SIM1: variants seen among roughly 807,000 people sequenced by gnomAD.
SIM1 encodes the protein single-minded homolog 1.
SIM1 carries 18 observed loss-of-function variants against 78.2 expected under a neutral mutation model. The observed-to-expected ratio is 0.23, with a 90% confidence interval of 0.16 to 0.34. The LOEUF (loss-of-function observed/expected upper bound fraction) is 0.34. SIM1 is among the 10% of genes least tolerant of loss of function. The pLI, the probability that SIM1 is intolerant of heterozygous loss-of-function variation, is 1.00. For synonymous variants in SIM1, 417 were observed against 385.2 expected, an observed-to-expected ratio of 1.08 and a Z score of -0.97; for missense variants, 939 against 975.1, an observed-to-expected ratio of 0.96 and a Z score of 0.49.
At position 100,388,365 on chromosome 6, in the gene SIM1, C is replaced by A. The variant is rs932740472; in HGVS notation, c.*1996G>T. On this transcript the variant is annotated 3_prime_UTR_variant, in exon 12 of 12. Transcript: ENST00000369208. Reference sequence around the variant, plus strand: ...TATCTGCATTTGATTGGAAAAAAAACCACACATAAGTGAATCTGCACAGTT... The same window carrying A: ...TATCTGCATTTGATTGGAAAAAAAAACACACATAAGTGAATCTGCACAGTT... 1 of 151,478 alleles carries A rather than the reference C, an allele frequency of 6.6e-6. No homozygotes were observed. Among genetic ancestry groups the A allele is most frequent in the Non-Finnish European group, 1.5e-5 (1 of 67,790 alleles). The allele number at this position is 151,478 out of a possible 1,614,324, so 9.4% of individuals were successfully genotyped here.
intron 2 of SIM1, among the ~76,000 whole-genome samples, chr6:100,455,923 A>G (rs1036663031): frequency 4.6e-5 from 7 of 152,112 alleles, no homozygotes; most frequent in Admixed American, 3.9e-4. Context: ...AGCCTAGGCC[A>G]TTTGTTGTTT....
intron 9 of SIM1, among the ~76,000 whole-genome samples, chr6:100,444,072 T>A (rs1170780360): frequency 6.6e-6 from 1 of 151,888 alleles, no homozygotes; most frequent in Non-Finnish European, 1.5e-5. Context: ...ACTCTTAATT[T>A]TCTTAGAAAT....
At chr6:100,420,482 A>G (rs193284021) in intron 10 of SIM1, among the ~76,000 whole-genome samples, 2 of 152,206 alleles carry the variant, frequency 1.3e-5, no homozygotes, top group African/African-American at 4.8e-5. Context: ...TGGCTACATC[A>G]TGGTCACTCA....
At position 100,390,422 on chromosome 6, in the gene SIM1, A is replaced by C; in HGVS notation, c.2240T>G (p.Met747Arg). Residue 747 changes from methionine to arginine, a missense_variant, in exon 12 of 12, where the codon ATG (methionine) becomes AGG (arginine). Around this residue, in one of 5 missense-constraint regions of SIM1, gnomAD observed 556 missense variants for 521.9 expected, o/e 1.07. Transcript: ENST00000369208. The stretch of plus-strand genomic sequence containing the variant: ...GTGTCCTTGTGCTGGGTCTGGTTGC[A>C]TCCTCAGATGGGAAGTTACATCAAA... The part of the protein sequence containing the change: ...SHFDVTSHLR[M>R]QPDPAQGHKG... 6.2e-7 allele frequency: 1 copy of C among 1,614,192 alleles called. No homozygotes were observed. The highest frequency in any genetic ancestry group is 1.1e-5 in the South Asian group (1 of 91,088).
intron 10 of SIM1, chr6:100,396,198 G>A (rs964291123): frequency 9.0e-6 from 3 of 332,992 alleles, no homozygotes; most frequent in African/African-American, 4.5e-5. Flanking sequence ...CTATACATGT[G>A]TTCCTTGAGA....
chr6:100,457,450 G>A (rs1772695926), intron 2 of SIM1, among the ~76,000 whole-genome samples: 1 of 152,154 alleles, frequency 6.6e-6, no homozygotes, highest in Non-Finnish European at 1.5e-5. Flanking sequence ...AACCAACTGT[G>A]TATCCCTTGA....
chr6:100,407,047 A>G (rs1582614805), intron 10 of SIM1, among the ~76,000 whole-genome samples: 1 of 152,128 alleles, frequency 6.6e-6, no homozygotes, highest in African/African-American at 2.4e-5. Context: ...TAGATTCTAC[A>G]TATAAGTGAA....
intron 10 of SIM1, among the ~76,000 whole-genome samples, chr6:100,418,956 C>T (rs1582287385): frequency 6.6e-6 from 1 of 152,078 alleles, no homozygotes; most frequent in Non-Finnish European, 1.5e-5. Context: ...TGCCTAAGGT[C>T]GGGAGTTCAA....
chr6:100,463,346 G>A lies in SIM1; in HGVS notation c.123C>T (p.Ser41=). ...SAITSQLDKA[S]IIRLTTSYLK... ...GATAGCTGGTCGTGAGTCTGATTAT[G>A]GATGCTTTGTCCAGCTGCGAGGTGA... Residue 41 remains serine (S), a synonymous_variant, in exon 2 of 12, where the codon TCC becomes TCT. Transcript: ENST00000369208. 1.2e-6 allele frequency: 2 copies of A among 1,614,040 alleles called. No individual in the cohort carries two copies. Among genetic ancestry groups the A allele is most frequent in the Non-Finnish European group, 1.7e-6 (2 of 1,179,930 alleles).
In SIM1 at chr6:100,390,951, T is replaced by A. The variant is rs28470615; in HGVS notation, c.1711A>T (p.Thr571Ser). ...PSKIETLIRA[T>S]QQMIKEEENR... The stretch of plus-strand genomic sequence containing the variant: ...TCTTCTTCTTTAATCATTTGCTGAG[T>A]GGCTCTTATAAGAGTTTCAATTTTG... The change falls in exon 12 of 12, where the codon ACT becomes TCT. Residue 571 changes from threonine (T) to serine (S), a missense_variant. Thr to Ser is a moderately conservative substitution (Grantham distance 58). Coordinates refer to ENST00000369208, the MANE Select transcript of SIM1 (RefSeq NM_005068.3). 6.8e-6 allele frequency: 11 copies of A among 1,614,012 alleles called. No homozygotes were observed. Among genetic ancestry groups the A allele is most frequent in the African/African-American group, 2.7e-5 (2 of 74,898 alleles).
chr6:100,415,989 C>T (rs996162736), intron 10 of SIM1, among the ~76,000 whole-genome samples: 9 of 152,144 alleles, frequency 5.9e-5, no homozygotes, highest in African/African-American at 2.2e-4. Context: ...TAAAAGCAGA[C>T]TCAGGAGGAT....
chr6:100,426,091 C>T (rs1008465811), intron 9 of SIM1, among the ~76,000 whole-genome samples: 1 of 152,160 alleles, frequency 6.6e-6, no homozygotes, highest in Non-Finnish European at 1.5e-5. Flanking sequence ...TTTGACATAT[C>T]CTTCAAAAGG....
At position 100,420,747 on chromosome 6, in the gene SIM1, T is replaced by C. The variant is rs777981057; in HGVS notation, c.1167+43A>G. ...CTTTCTCAACTTCAAGTTCAAACCATGTCGCCAAAAAAAAGAAAGTTGCAA... is the reference window on the plus strand; with the variant it reads ...CTTTCTCAACTTCAAGTTCAAACCACGTCGCCAAAAAAAAGAAAGTTGCAA... On this transcript the variant is annotated intron_variant, in intron 10 of 11. Coordinates refer to ENST00000369208, the MANE Select transcript of SIM1 (RefSeq NM_005068.3). 32 of 1,588,646 alleles carry C rather than the reference T, an allele frequency of 2.0e-5. 1 individual carries two copies. The highest frequency in any genetic ancestry group is 2.5e-5 in the Non-Finnish European group (29 of 1,157,156).
chr6:100,395,947 C>T (rs765461325), intron 10 of SIM1: 38 of 209,434 alleles, frequency 1.8e-4, no homozygotes, highest in Non-Finnish European at 2.9e-4. Context: ...TCCACCTACA[C>T]ATATGGACTA....
At chr6:100,408,775 G>T (rs1771117147) in intron 10 of SIM1, among the ~76,000 whole-genome samples, 1 of 152,066 alleles carries the variant, frequency 6.6e-6, no homozygotes, top group African/African-American at 2.4e-5. Flanking sequence ...TGATCATGGT[G>T]TATGATCCTT....
At chr6:100,454,876 G>C (rs1216087503) in intron 2 of SIM1, among the ~76,000 whole-genome samples, 1 of 152,168 alleles carries the variant, frequency 6.6e-6, no homozygotes, top group African/African-American at 2.4e-5. Flanking sequence ...CTATTTATGA[G>C]TATTATCTTT....
chr6:100,428,493 C>T (rs974374821), intron 9 of SIM1, among the ~76,000 whole-genome samples: 6 of 152,072 alleles, frequency 3.9e-5, no homozygotes, highest in African/African-American at 7.3e-5. Flanking sequence ...AAGCAGCTAA[C>T]GGGTGCCTTT....
chr6:100,459,066 A>G (rs1413193709), intron 2 of SIM1, among the ~76,000 whole-genome samples: 2 of 152,210 alleles, frequency 1.3e-5, no homozygotes, highest in African/African-American at 4.8e-5. Flanking sequence ...TTGGGTCTGT[A>G]AAAGCTGGAA....
chr6:100,412,535 TAAGA>T lies in SIM1; in HGVS notation c.1167+8251_1167+8254del, dbSNP rs1331252610. Among the ~76,000 whole-genome samples the T allele has an allele frequency of 5.8e-5, 5 of 86,384 alleles. 1 individual carries two copies. Among genetic ancestry groups the T allele is most frequent in the East Asian group, 9.2e-4 (2 of 2,182 alleles). The allele number at this position is 86,384 out of a possible 152,430, so 56.7% of individuals were successfully genotyped here. ...CTGGGTGACAGAGCAAGACTCTGTC[TAAGA>T]AAGAAAGAAAGAAAGAAAAGAAAGA... is the stretch of plus-strand genomic sequence containing the variant. On this transcript the variant is annotated intron_variant, in intron 10 of 11. Transcript: ENST00000369208.
Sources: gnomAD v4.1 joint callset for allele counts (sites outside exome capture counted in the v4.1 genomes callset) on GRCh38, gnomAD v4.1.1 for gene constraint, gnomAD v4.1.1 regional missense constraint, MANE v1.5 for transcripts, NCBI Gene and HGNC (gene_info 2026-07-23, HGNC 2026-07-21) for gene names.